Variants in COL9A1 observed in about 807,000 individuals in gnomAD.
COL9A1 encodes the protein collagen type IX alpha 1 chain.
In COL9A1, 104 loss-of-function variants were observed where a neutral mutation model predicts 142.6. That is an observed-to-expected ratio of 0.73 (90% CI 0.62 to 0.86). The LOEUF (loss-of-function observed/expected upper bound fraction) is 0.86, where lower values mean the gene tolerates loss of function less well. Ranked by LOEUF, COL9A1 falls within the 40% of genes least tolerant of loss-of-function variation. The pLI is 0.00. For synonymous variants in COL9A1, 466 were observed against 396.0 expected, an observed-to-expected ratio of 1.18 and a Z score of -2.10; for missense variants, 1,210 against 1,176.6, an observed-to-expected ratio of 1.03 and a Z score of -0.42.
At chr6:70,232,852 C>G (rs1043172574) in intron 35 of COL9A1, 81 bp from the exon 36 acceptor site, 10 of 1,391,670 alleles carry the variant, frequency 7.2e-6, no homozygotes, top group Admixed American at 2.0e-5. Context: ...ATTCCAAATG[C>G]CTTTTTTTCT....
At chr6:70,258,374 A>C (rs1771461174) in intron 20 of COL9A1, among the ~76,000 whole-genome samples, 1 of 152,208 alleles carries the variant, frequency 6.6e-6, no homozygotes, top group Admixed American at 6.5e-5. Context: ...TCAAATCAAG[A>C]AAACCAGGTG....
Position 70,234,654 on chromosome 6 carries a change from G to C in COL9A1, c.2260-61C>G, listed in dbSNP as rs953318849. The C allele has an allele frequency of 2.6e-5, 42 of 1,608,276 alleles. No individual in the cohort carries two copies. The South Asian group carries it at 4.3e-4, about 16-fold the overall frequency. ...GAAACCATAAAGAGAACATTGTTAA[G>C]TTGTAAACTGACAGACTCTGCAAGG... On this transcript the variant is annotated intron_variant, in intron 34 of 37. Transcript: ENST00000357250.
intron 10 of COL9A1, chr6:70,279,790 T>C (rs971793941): frequency 2.2e-6 from 1 of 447,832 alleles, no homozygotes; most frequent in Non-Finnish European, 4.0e-6. Context: ...TATTTATTTT[T>C]CTTTCAAAAT....
chr6:70,234,754 A>G, intron 34 of COL9A1, 40 bp downstream of exon 34: 1 of 1,613,688 alleles, frequency 6.2e-7, no homozygotes, highest in Non-Finnish European at 8.5e-7. Context: ...TGTGGGATGG[A>G]GTCTCCAAAG....
Position 70,267,327 on chromosome 6 carries a change from G to GTTTTTTTTTTTTTTTTT in COL9A1, c.1288-558_1288-557insAAAAAAAAAAAAAAAAA, listed in dbSNP as rs61373051. Among the ~76,000 whole-genome samples the GTTTTTTTTTTTTTTTTT allele has an allele frequency of 9.7e-4, 123 of 127,044 alleles. 2 individuals are homozygous for GTTTTTTTTTTTTTTTTT. Among genetic ancestry groups the GTTTTTTTTTTTTTTTTT allele is most frequent in the African/African-American group, 1.4e-3 (48 of 33,660 alleles). 83.3% of individuals were successfully genotyped at this position (127,044 alleles called of 152,430 possible). On this transcript the variant is annotated intron_variant, in intron 17 of 37. Coordinates refer to ENST00000357250, the MANE Select transcript of COL9A1 (RefSeq NM_001851.6). ...TTGTTGTTGTTTGTTTGGTTTTTTT[G>GTTTTTTTTTTTTTTTTT]TTTTTTTTTTTTGAGATGGAGCTTC...
At chr6:70,282,744 T>C (rs117320420) in intron 7 of COL9A1, among the ~76,000 whole-genome samples, 154 bp downstream of exon 7, 4 of 152,124 alleles carry the variant, frequency 2.6e-5, no homozygotes, top group African/African-American at 4.8e-5. Context: ...TGGACTTCGA[T>C]AGGACTCGCG....
At chr6:70,236,981 C>G (rs1366381554) in intron 33 of COL9A1, among the ~76,000 whole-genome samples, 1 of 152,198 alleles carries the variant, frequency 6.6e-6, no homozygotes, top group Non-Finnish European at 1.5e-5. Flanking sequence ...GCCATGACAC[C>G]TGGCTAACTT....
intron 37 of COL9A1, 115 bp from the exon 38 acceptor site, chr6:70,217,196 C>T (rs1266117379): frequency 2.7e-5 from 23 of 849,850 alleles, no homozygotes; most frequent in Non-Finnish European, 3.9e-5. Flanking sequence ...CTTTTGGAAG[C>T]GATGGATGAT....
intron 5 of COL9A1, among the ~76,000 whole-genome samples, chr6:70,288,124 AAACT>A (rs1489120533): frequency 1.3e-5 from 2 of 152,106 alleles, no homozygotes; most frequent in Non-Finnish European, 2.9e-5. Flanking sequence ...TCCAAAACCC[AAACT>A]AACTCCTGAT....
intron 15 of COL9A1, 124 bp from the exon 16 acceptor site, chr6:70,269,789 G>C: frequency 1.5e-6 from 1 of 655,822 alleles, no homozygotes; most frequent in Non-Finnish European, 2.7e-6. Flanking sequence ...TAAGAAACCA[G>C]ATAATATGCT....
At chr6:70,295,118 G>A (rs1405471686) in intron 4 of COL9A1, among the ~76,000 whole-genome samples, 1 of 151,982 alleles carries the variant, frequency 6.6e-6, no homozygotes, top group Non-Finnish European at 1.5e-5. Context: ...TAAGTATTTT[G>A]AGAACCAGTA....
chr6:70,283,281 G>A (rs1562326058), intron 6 of COL9A1: 2 of 1,407,590 alleles, frequency 1.4e-6, no homozygotes, highest in South Asian at 3.0e-5. Context: ...GGGGAGGACG[G>A]ATAGAATGAC....
At chr6:70,247,885 G>A (rs1402239401) in intron 28 of COL9A1, among the ~76,000 whole-genome samples, 1 of 152,208 alleles carries the variant, frequency 6.6e-6, no homozygotes, top group Non-Finnish European at 1.5e-5. Flanking sequence ...TGCCTAGATG[G>A]AGTGGGAGGG....
At chr6:70,245,220 T>C (rs1770518343) in intron 28 of COL9A1, among the ~76,000 whole-genome samples, 1 of 152,208 alleles carries the variant, frequency 6.6e-6, no homozygotes, top group Non-Finnish European at 1.5e-5. Context: ...TCTAAGAACA[T>C]GCATACTCTT....
intron 20 of COL9A1, among the ~76,000 whole-genome samples, chr6:70,259,673 G>A (rs555270943): frequency 3.3e-5 from 5 of 152,090 alleles, no homozygotes; most frequent in African/African-American, 7.2e-5. Context: ...CCCTGCTTCC[G>A]CTCCACTCCA....
At chr6:70,280,475 A>C in intron 10 of COL9A1, 1 of 1,288,482 alleles carries the variant, frequency 7.8e-7, no homozygotes, top group Non-Finnish European at 9.9e-7. Flanking sequence ...AGTACAATCT[A>C]TTGCCATCCG....
intron 20 of COL9A1, 76 bp downstream of exon 20, chr6:70,260,581 A>G: frequency 7.7e-7 from 1 of 1,298,932 alleles, no homozygotes; most frequent in South Asian, 1.3e-5. Context: ...TTGAAGATAA[A>G]AAGTTATGTT....
chr6:70,264,486 G>T (rs933469328), intron 18 of COL9A1, among the ~76,000 whole-genome samples: 1 of 152,030 alleles, frequency 6.6e-6, no homozygotes, highest in African/African-American at 2.4e-5. Flanking sequence ...AGGAAAGCCA[G>T]AGAATTAGCT....
chr6:70,291,863 C>A (rs1412201045), intron 5 of COL9A1, among the ~76,000 whole-genome samples: 1 of 152,094 alleles, frequency 6.6e-6, no homozygotes, highest in Admixed American at 6.6e-5. Context: ...GTGCCTAACA[C>A]TATTTCTTAC....
Sources: gnomAD v4.1 joint callset for allele counts (sites outside exome capture counted in the v4.1 genomes callset) on GRCh38, gnomAD v4.1.1 for gene constraint, MANE v1.5 for transcripts, NCBI Gene and HGNC (gene_info 2026-07-23, HGNC 2026-07-21) for gene names.